BABAM2: variants seen among roughly 807,000 people sequenced by gnomAD.
BABAM2 encodes the protein BRISC and BRCA1 A complex member 2.
In BABAM2, 31 loss-of-function variants were observed where a neutral mutation model predicts 54.7. The ratio of observed to expected loss-of-function variants is 0.57; its 90% CI spans 0.43 to 0.77. The LOEUF (loss-of-function observed/expected upper bound fraction) is 0.77, where lower values mean the gene tolerates loss of function less well. BABAM2 is among the 30% of genes least tolerant of loss of function. The pLI is 0.00. For missense variants in BABAM2, 364 were observed against 455.8 expected (o/e 0.80, Z 1.83); for synonymous variants, 167 against 162.9 (o/e 1.03, Z -0.19).
chr2:28,187,096 C>T (rs564852722), intron 7 of BABAM2, among the ~76,000 whole-genome samples: 117 of 152,298 alleles, frequency 7.7e-4, no homozygotes, highest in African/African-American at 2.6e-3. Flanking sequence ...TGAGCCACCG[C>T]GCCCAGCCGG....
intron 3 of BABAM2, among the ~76,000 whole-genome samples, chr2:27,964,717 G>T (rs140848874): frequency 6.6e-6 from 1 of 152,190 alleles, no homozygotes; most frequent in Non-Finnish European, 1.5e-5. Flanking sequence ...ATAGAAAGAG[G>T]TGGAAATGGA....
chr2:28,307,667 G>A (rs1048605134), intron 11 of BABAM2: 1 of 151,718 alleles, frequency 6.6e-6, no homozygotes, highest in South Asian at 2.1e-4. Flanking sequence ...TTCAGTCTTC[G>A]TATTTTATGA....
intron 11 of BABAM2, among the ~76,000 whole-genome samples, chr2:28,319,322 G>C (rs756839885): frequency 6.6e-5 from 10 of 152,244 alleles, no homozygotes; most frequent in Non-Finnish European, 1.5e-4. Context: ...TTTAGGTAAA[G>C]TAGAAGCTGT....
intron 7 of BABAM2, among the ~76,000 whole-genome samples, chr2:28,150,247 G>C (rs532357494): frequency 6.6e-6 from 1 of 152,360 alleles, no homozygotes; most frequent in East Asian, 1.9e-4. Flanking sequence ...TACCCTGCAA[G>C]TGAAAAGTAG....
chr2:28,302,771 A>G (rs560950878), intron 11 of BABAM2, among the ~76,000 whole-genome samples: 32 of 152,294 alleles, frequency 2.1e-4, no homozygotes, highest in African/African-American at 7.2e-4. Flanking sequence ...AAATTGTACC[A>G]TTCTAGAGAG....
intron 6 of BABAM2, among the ~76,000 whole-genome samples, chr2:28,066,448 ATTAG>A (rs1474135978): frequency 1.3e-5 from 2 of 152,184 alleles, no homozygotes; most frequent in Non-Finnish European, 2.9e-5. Flanking sequence ...GATAGGTTAT[ATTAG>A]TTATCTATTG....
chr2:28,322,620 G>C lies in BABAM2; in HGVS notation c.1089-15830G>C, dbSNP rs1287823400. Among the ~76,000 whole-genome samples the C allele has an allele frequency of 6.6e-6, 1 of 152,250 alleles. No individual in the cohort carries two copies. The highest frequency in any genetic ancestry group is 1.5e-5 in the Non-Finnish European group (1 of 68,048). ...CCAAATGAGTGGCTCAACAGTTCGT[G>C]TTGTGGAGCTTCAGAGGCAGGACAA... On this transcript the variant is annotated intron_variant, in intron 11 of 11. Transcript: ENST00000379624. This position sits in a 1 kb window ranked among gnomAD's most constrained non-coding sequence, Gnocchi z 4.1.
At chr2:27,890,207 G>A (rs764161169), upstream of BABAM2, 8 of 1,565,028 alleles carry the variant, frequency 5.1e-6, no homozygotes, top group East Asian at 9.0e-5. The surrounding 1 kb of genome is among the most constrained non-coding windows in gnomAD (Gnocchi z 4.8). Flanking sequence ...ATAGCGCACG[G>A]CACGCCTCCT....
chr2:28,140,255 G>A lies in BABAM2; in HGVS notation c.680+10875G>A, dbSNP rs534443756. The stretch of plus-strand genomic sequence containing the variant: ...CCTTTATGTCAGACACTTGATGGAA[G>A]TAGAAACCAATGTATAAAAAAGGTA... On this transcript the variant is annotated intron_variant, in intron 7 of 11. Coordinates refer to ENST00000379624, the MANE Select transcript of BABAM2 (RefSeq NM_199191.3). Among the ~76,000 whole-genome samples the A allele has an allele frequency of 3.9e-5, 6 of 152,300 alleles. No individual in the cohort carries two copies. The South Asian group carries it at 1.2e-3, about 32-fold the overall frequency.
At chr2:28,259,785 GT>G (rs1041884000) in intron 10 of BABAM2, among the ~76,000 whole-genome samples, 10 of 148,380 alleles carry the variant, frequency 6.7e-5, no homozygotes, top group African/African-American at 1.7e-4. Context: ...AAGGGACATG[GT>G]TTTTTTTTTC....
chr2:28,236,039 G>A (rs555055891), intron 7 of BABAM2, among the ~76,000 whole-genome samples: 19 of 152,008 alleles, frequency 1.2e-4, no homozygotes, highest in African/African-American at 4.1e-4. Context: ...GTAACTGCAG[G>A]GTCTTGGATA....
chr2:28,117,727 A>G (rs766938231), intron 6 of BABAM2, among the ~76,000 whole-genome samples: 1 of 152,116 alleles, frequency 6.6e-6, no homozygotes, highest in African/African-American at 2.4e-5. Context: ...TCCTAGACCC[A>G]TCAGCTGTTC....
At chr2:28,211,264 G>A (rs1573852149) in intron 7 of BABAM2, among the ~76,000 whole-genome samples, 1 of 151,946 alleles carries the variant, frequency 6.6e-6, no homozygotes, top group African/African-American at 2.4e-5. Context: ...ATAATTTTTT[G>A]ATTGAGAGTT....
intron 6 of BABAM2, among the ~76,000 whole-genome samples, chr2:28,128,908 T>G (rs988309674): frequency 2.0e-5 from 3 of 152,204 alleles, no homozygotes; most frequent in African/African-American, 7.2e-5. Context: ...ATTTTAATGT[T>G]TTTTGATGTT....
chr2:27,925,353 A>G (rs1667612063), intron 2 of BABAM2, among the ~76,000 whole-genome samples: 1 of 152,138 alleles, frequency 6.6e-6, no homozygotes, highest in African/African-American at 2.4e-5. Flanking sequence ...CCTTTCCTAG[A>G]AGTCTTATTC....
At chr2:28,062,114 TG>T (rs1284053849) in intron 6 of BABAM2, among the ~76,000 whole-genome samples, 1 of 151,852 alleles carries the variant, frequency 6.6e-6, no homozygotes, top group Non-Finnish European at 1.5e-5. Context: ...AAAAATTAGC[TG>T]GGCATGCTGG....
chr2:27,989,680 A>G lies in BABAM2; in HGVS notation c.300+1593A>G, dbSNP rs550121444. Among the ~76,000 whole-genome samples, 4 of 152,290 alleles carry G rather than the reference A, an allele frequency of 2.6e-5. No individual in the cohort carries two copies. The East Asian group carries it at 5.8e-4, about 22-fold the overall frequency. On this transcript the variant is annotated intron_variant, in intron 4 of 11. Coordinates refer to ENST00000379624, the MANE Select transcript of BABAM2 (RefSeq NM_199191.3). ...AATATAATGGAATAAGGAGAGATCG[A>G]AGACCAGAATTGAGGATAGTTGTAA...
intron 10 of BABAM2, among the ~76,000 whole-genome samples, chr2:28,296,953 G>T (rs1033424013): frequency 3.9e-5 from 6 of 152,218 alleles, no homozygotes; most frequent in African/African-American, 9.7e-5. Flanking sequence ...CTCCCAGAGT[G>T]CTGGGATTAC....
In BABAM2 at chr2:28,129,188, C is replaced by G. The variant is rs1000797846; in HGVS notation, c.571-83C>G. 11 of 1,286,280 alleles carry G rather than the reference C, an allele frequency of 8.6e-6. No homozygotes were observed. The African/African-American group carries it at 1.2e-4, about 14-fold the overall frequency. The allele number at this position is 1,286,280 out of a possible 1,614,324, so 79.7% of individuals were successfully genotyped here. On this transcript the variant is annotated intron_variant, in intron 6 of 11. Coordinates refer to ENST00000379624, the MANE Select transcript of BABAM2 (RefSeq NM_199191.3). ...TAAGGGTAACTCACAGTCATGGCTT[C>G]AATGCCAGTGGACTGTGAGCTTGAC...
Sources: allele counts gnomAD v4.1 joint callset (sites outside exome capture counted in the v4.1 genomes callset), GRCh38; gene constraint gnomAD v4.1.1; non-coding constraint Gnocchi (gnomAD v3.1); transcripts MANE v1.5; gene names NCBI Gene and HGNC (gene_info 2026-07-23, HGNC 2026-07-21).